SYNJ2: variants seen among roughly 807,000 people sequenced by gnomAD.
SYNJ2 encodes the protein synaptojanin 2.
Under a neutral mutation model 141.3 loss-of-function variants are expected in SYNJ2, and 116 were observed. That is an observed-to-expected ratio of 0.82 (90% CI 0.71 to 0.96). The LOEUF is 0.96. Among genes scored for constraint, SYNJ2 ranks in the 40% least tolerant of loss-of-function variants. The probability of loss-of-function intolerance (pLI) is 0.00; values close to 1 mark genes in which losing one functional copy is unlikely to be tolerated. For missense variants in SYNJ2, 1,873 were observed against 1,934.8 expected (o/e 0.97, Z 0.60); for synonymous variants, 745 against 777.7 (o/e 0.96, Z 0.70).
At chr6:158,081,623 TTTTTTTTTTTTTCTC>T (rs1782691617) in intron 20 of SYNJ2, 113 bp downstream of exon 20, 1 of 459,624 alleles carries the variant, frequency 2.2e-6, no homozygotes, top group African/African-American at 6.1e-5. Context: ...TTTTTTTTTT[TTTTTTTTTTTTTCTC>T]TGAGACAAAG....
chr6:158,018,529 G>A (rs935668617), intron 2 of SYNJ2, among the ~76,000 whole-genome samples: 6 of 152,188 alleles, frequency 3.9e-5, no homozygotes, highest in Admixed American at 2.0e-4. Flanking sequence ...AGAAAAGCAC[G>A]GTTACGTTGG....
intron 2 of SYNJ2, among the ~76,000 whole-genome samples, chr6:158,022,047 G>A (rs901528968): frequency 6.6e-6 from 1 of 152,212 alleles, no homozygotes; most frequent in Admixed American, 6.5e-5. Context: ...TTCTGCAGAA[G>A]GGAGGCGGGA....
rs1197253466 is a variant in SYNJ2 at position 158,078,192 on chromosome 6, TC to T, written c.2479del (p.Leu827Ter). On this transcript the variant is annotated frameshift_variant, in exon 18 of 27. Transcript: ENST00000355585. LOFTEE classifies it high-confidence loss of function. ...AGELNLLDSD[L>X]DVDTKVRHTW... ...GAGAACTCAACCTTCTAGACAGTGA[TC>T]TAGATGTTGACACCAAAGTCAGACA... 1.2e-5 allele frequency: 20 copies of T among 1,613,716 alleles called. No homozygotes were observed. Among genetic ancestry groups the T allele is most frequent in the Non-Finnish European group, 1.5e-5 (18 of 1,179,760 alleles).
intron 9 of SYNJ2, 86 bp from the exon 10 acceptor site, chr6:158,064,515 G>C: frequency 6.6e-7 from 1 of 1,524,868 alleles, no homozygotes; most frequent in East Asian, 2.3e-5. Flanking sequence ...TAATCCACAG[G>C]CTGCCGAATA....
chr6:157,998,323 A>G (rs1471129779), intron 1 of SYNJ2, among the ~76,000 whole-genome samples: 2 of 152,202 alleles, frequency 1.3e-5, no homozygotes, highest in Non-Finnish European at 2.9e-5. Context: ...AAGAGTTACC[A>G]CACCTAAGGA....
chr6:158,019,428 T>C (rs1778641705), intron 2 of SYNJ2, among the ~76,000 whole-genome samples: 1 of 152,192 alleles, frequency 6.6e-6, no homozygotes, highest in Admixed American at 6.5e-5. Context: ...CCCAGGGCTG[T>C]GATCTAAGAT....
At chr6:158,076,511 T>C (rs1782298955) in intron 16 of SYNJ2, 115 bp from the exon 17 acceptor site, 1 of 1,186,012 alleles carries the variant, frequency 8.4e-7, no homozygotes, top group Admixed American at 2.4e-5. Context: ...TCAAATGTAA[T>C]GGAGCTTCTG....
chr6:158,087,469 T>C (rs1783129660), intron 23 of SYNJ2, among the ~76,000 whole-genome samples: 1 of 152,194 alleles, frequency 6.6e-6, no homozygotes, highest in African/African-American at 2.4e-5. Flanking sequence ...TTATCCTGGG[T>C]CTAGGAGCAT....
chr6:158,081,164 G>A lies in SYNJ2; in HGVS notation c.2623G>A (p.Glu875Lys). 1 of 1,614,068 alleles carries A rather than the reference G, an allele frequency of 6.2e-7. No individual in the cohort carries two copies. Among genetic ancestry groups the A allele is most frequent in the Non-Finnish European group, 8.5e-7 (1 of 1,179,952 alleles). The change falls in exon 19 of 27, where the codon GAG becomes AAG. Residue 875 changes from glutamate (E) to lysine (K), a missense_variant. Physicochemically the swap from Glu to Lys is moderately conservative, Grantham distance 56. Transcript: ENST00000355585. ...EVQEVDVGAR[E>K]RVFQEVSSFQ... ...TCAGGAAGTCGATGTGGGTGCTCGGGAGAGGGTTTTCCAGGAAGTGTCCTC... is the reference window on the plus strand; with the variant it reads ...TCAGGAAGTCGATGTGGGTGCTCGGAAGAGGGTTTTCCAGGAAGTGTCCTC...
At chr6:158,014,408 C>T (rs1778373126) in intron 1 of SYNJ2, among the ~76,000 whole-genome samples, 1 of 152,180 alleles carries the variant, frequency 6.6e-6, no homozygotes, top group Non-Finnish European at 1.5e-5. Context: ...GATTGATTGA[C>T]AAAAATGTTG....
At chr6:158,000,327 G>A (rs1012968717) in intron 1 of SYNJ2, among the ~76,000 whole-genome samples, 14 of 152,242 alleles carry the variant, frequency 9.2e-5, no homozygotes, top group Middle Eastern at 3.4e-3. Flanking sequence ...TGCCTGAGAT[G>A]TGCCACCTGT....
At chr6:158,064,160 G>A (rs1276288853) in intron 9 of SYNJ2, among the ~76,000 whole-genome samples, 1 of 152,200 alleles carries the variant, frequency 6.6e-6, no homozygotes, top group African/African-American at 2.4e-5. Context: ...AATGATTATC[G>A]TGGATGCACC....
intron 20 of SYNJ2, 95 bp downstream of exon 20, chr6:158,081,605 C>CTTTTTTTTTTTTTTTTTTTT (rs60234675): frequency 5.4e-6 from 1 of 185,662 alleles, no homozygotes; most frequent in Non-Finnish European, 9.2e-6. Context: ...TGACCTGTGC[C>CTTTTTTTTTTTTTTTTTTTT]TTTTTTTTTT....
rs763166516 is a variant in SYNJ2 at position 158,096,395 on chromosome 6, G to T, written c.*31G>T. On this transcript the variant is annotated 3_prime_UTR_variant, in exon 27 of 27. Transcript: ENST00000355585. ...CAGCTTTGAAGGCTGCAGTCCTATA[G>T]AATGCATACCTTCCTCCCTCTAGAC... The T allele has an allele frequency of 4.5e-6, 7 of 1,548,560 alleles. No homozygotes were observed. Among genetic ancestry groups the T allele is most frequent in the South Asian group, 1.3e-5 (1 of 79,744 alleles).
intron 5 of SYNJ2, among the ~76,000 whole-genome samples, chr6:158,054,324 G>A (rs1780748855): frequency 6.6e-6 from 1 of 152,044 alleles, no homozygotes; most frequent in Non-Finnish European, 1.5e-5. Context: ...CACCCATCTA[G>A]TTATCATCAG....
chr6:158,049,612 T>G (rs1449676430), intron 5 of SYNJ2, among the ~76,000 whole-genome samples: 1 of 152,170 alleles, frequency 6.6e-6, no homozygotes, highest in African/African-American at 2.4e-5. Flanking sequence ...ACAACTTGTT[T>G]AGGGGATGGA....
rs1783918022 is a variant in SYNJ2 at position 158,098,859 on chromosome 6, T to G, written c.*2495T>G. On this transcript the variant is annotated 3_prime_UTR_variant, in exon 27 of 27. Transcript: ENST00000355585. ...GCCTAGTCCCTTTTACATCACCATC[T>G]TCTCAGACTTCTTGCCTATTCTTAA... The G allele has an allele frequency of 6.6e-6, 1 of 152,246 alleles. No homozygotes were observed. Among genetic ancestry groups the G allele is most frequent in the Non-Finnish European group, 1.5e-5 (1 of 68,054 alleles). The allele number at this position is 152,246 out of a possible 1,614,324, so 9.4% of individuals were successfully genotyped here.
chr6:158,017,419 T>TTTTTTTTTCTCC, intron 2 of SYNJ2, 129 bp downstream of exon 2: 1 of 1,298,612 alleles, frequency 7.7e-7, no homozygotes, highest in Non-Finnish European at 1.0e-6. Flanking sequence ...TTTTTTTTTT[T>TTTTTTTTTCTCC]TTTTTTTTCT....
Position 158,097,255 on chromosome 6 carries a change from G to C in SYNJ2, c.*891G>C, listed in dbSNP as rs981560003. 3.9e-5 allele frequency: 6 copies of C among 152,248 alleles called. No individual in the cohort carries two copies. Among genetic ancestry groups the C allele is most frequent in the Non-Finnish European group, 8.8e-5 (6 of 68,050 alleles). 9.4% of individuals were successfully genotyped at this position (152,248 alleles called of 1,614,324 possible). A position where few individuals can be genotyped will look rare whatever the true frequency, so the allele number is the denominator to read the frequency against. ...TTGATTCTCATTGTTAGAATATGGA[G>C]AGTGTTTCAGCCTCGTCTGTCCGGC... On this transcript the variant is annotated 3_prime_UTR_variant, in exon 27 of 27. Coordinates refer to ENST00000355585, the MANE Select transcript of SYNJ2 (RefSeq NM_003898.4).
Sources: allele counts gnomAD v4.1 joint callset (sites outside exome capture counted in the v4.1 genomes callset), GRCh38; gene constraint gnomAD v4.1.1; transcripts MANE v1.5; gene names NCBI Gene and HGNC (gene_info 2026-07-23, HGNC 2026-07-21).